Variants in ZNF17 observed in about 807,000 individuals in gnomAD.
The protein encoded by ZNF17 is zinc finger protein 17 (HPF3, KOX 10).
A neutral mutation model predicts 7.7 loss-of-function variants in ZNF17; 4 were observed. The ratio of observed to expected loss-of-function variants is 0.52; its 90% CI spans 0.26 to 1.20. ZNF17 has a LOEUF of 1.20. Ranked by LOEUF, ZNF17 falls within the 50% of genes most tolerant of loss-of-function variation. ZNF17 has a pLI of 0.14. For missense variants in ZNF17, 738 were observed against 799.5 expected, an observed-to-expected ratio of 0.92 and a Z score of 0.93; for synonymous variants, 249 against 258.8, an observed-to-expected ratio of 0.96 and a Z score of 0.36.
At position 57,421,487 on chromosome 19, in the gene ZNF17, G is replaced by A. The variant is rs1452177899; in HGVS notation, c.*6G>A. The A allele has an allele frequency of 6.3e-7, 1 of 1,590,294 alleles. No individual in the cohort carries two copies. ...AGAAAGTTCACACCAGATAAAGAAT[G>A]TATATATAAAGCAGATGGGGAAAGA... On this transcript the variant is annotated 3_prime_UTR_variant, in exon 4 of 4. Transcript: ENST00000307658.
At chr19:57,413,770 C>G in intron 2 of ZNF17, 134 bp downstream of exon 2, 1 of 1,108,032 alleles carries the variant, frequency 9.0e-7, no homozygotes, top group Admixed American at 2.0e-5. Context: ...TGTAGTTCCA[C>G]CAGACCTGGG....
In ZNF17 at chr19:57,411,187, G is replaced by T. The variant is rs1218281080; in HGVS notation, c.-240G>T. Reference sequence around the variant, plus strand: ...CAACGCCTCCTGGGGTTGTCAATATGGCTGCGTTGGGATCTGTTCACCTTC... The same window carrying T: ...CAACGCCTCCTGGGGTTGTCAATATTGCTGCGTTGGGATCTGTTCACCTTC... On this transcript the variant is annotated 5_prime_UTR_variant, in exon 1 of 4. It removes an upstream start codon present in the reference 5' UTR. Coordinates refer to ENST00000307658, the MANE Select transcript of ZNF17 (RefSeq NM_001330617.2). 7.7e-6 allele frequency: 5 copies of T among 651,554 alleles called. No individual in the cohort carries two copies. Among genetic ancestry groups the T allele is most frequent in the African/African-American group, 7.3e-5 (4 of 54,502 alleles). 40.4% of individuals were successfully genotyped at this position (651,554 alleles called of 1,614,324 possible). A position where few individuals can be genotyped will look rare whatever the true frequency, so the allele number is the denominator to read the frequency against.
intron 2 of ZNF17, among the ~76,000 whole-genome samples, chr19:57,416,375 G>A (rs2088811368): frequency 6.6e-6 from 1 of 152,138 alleles, no homozygotes; most frequent in African/African-American, 2.4e-5. Flanking sequence ...TGAATAGATG[G>A]TTCCACCTCT....
At chr19:57,413,718 T>C (rs2088793366) in intron 2 of ZNF17, 82 bp downstream of exon 2, 1 of 1,491,846 alleles carries the variant, frequency 6.7e-7, no homozygotes, top group African/African-American at 1.4e-5. Flanking sequence ...ATCCTGAGAC[T>C]GTTCACCTTT....
rs759375090 is a variant in ZNF17 at position 57,420,070 on chromosome 19, C to T, written c.584C>T (p.Thr195Ile). Residue 195 changes from threonine (T) to isoleucine (I), a missense_variant, in exon 4 of 4, where the codon ACC becomes ATC. Transcript: ENST00000307658. ...AGTGGACAGAATAATTACAGCTGCA[C>T]CCAATGTGGGAAAGACTTTTGCCAC... Reference protein sequence around the residue: ...FQSGQNNYSCTQCGKDFCHQH... With the variant: ...FQSGQNNYSCIQCGKDFCHQH... 1.2e-6 allele frequency: 2 copies of T among 1,614,214 alleles called. No homozygotes were observed. The highest frequency in any genetic ancestry group is 8.5e-7 in the Non-Finnish European group (1 of 1,180,048).
Position 57,419,649 on chromosome 19 carries a change from G to A in ZNF17, c.163G>A (p.Ala55Thr), listed in dbSNP as rs761121881. The change falls in exon 4 of 4, where the codon GCC (alanine) becomes ACC (threonine). Residue 55 changes from alanine to threonine, a missense_variant. By Grantham distance (58) the Ala-to-Thr change is moderately conservative (BLOSUM62 0). Around this residue, in one of 3 missense-constraint regions of ZNF17, gnomAD observed 616 missense variants for 663.9 expected, o/e 0.93. Transcript: ENST00000307658. The part of the protein sequence containing the change: ...LLSSVGCWHG[A>T]KDEEAPSKQC... ...TTCTGTTTTAGGTTGTTGGCATGGA[G>A]CCAAGGATGAGGAGGCACCTTCCAA... is the stretch of plus-strand genomic sequence containing the variant. The A allele has an allele frequency of 4.3e-6, 7 of 1,612,144 alleles. No individual in the cohort carries two copies. The African/African-American group carries it at 9.3e-5, about 22-fold the overall frequency.
chr19:57,421,550 C>A lies in ZNF17; in HGVS notation c.*69C>A. On this transcript the variant is annotated 3_prime_UTR_variant, in exon 4 of 4. Coordinates refer to ENST00000307658, the MANE Select transcript of ZNF17 (RefSeq NM_001330617.2). Reference sequence around the variant, plus strand: ...ATCTACTCTGATTTAGCACTGGGACCTACGTTTTAAAAAAAGTATTCTTGT... The same window carrying A: ...ATCTACTCTGATTTAGCACTGGGACATACGTTTTAAAAAAAGTATTCTTGT... 6.7e-7 allele frequency: 1 copy of A among 1,490,606 alleles called. No homozygotes were observed. The highest frequency in any genetic ancestry group is 9.0e-7 in the Non-Finnish European group (1 of 1,112,536). 92.3% of individuals were successfully genotyped at this position (1,490,606 alleles called of 1,614,324 possible).
chr19:57,414,713 C>CT (rs567091200), intron 2 of ZNF17, among the ~76,000 whole-genome samples: 2,398 of 136,896 alleles, frequency 0.018, 33 homozygotes, highest in Middle Eastern at 0.047. Context: ...GACCTAGATT[C>CT]TTTTTTTTTT....
chr19:57,415,147 G>A (rs1368861681), intron 2 of ZNF17, among the ~76,000 whole-genome samples: 1 of 152,200 alleles, frequency 6.6e-6, no homozygotes, highest in East Asian at 1.9e-4. Context: ...GGACACGAGT[G>A]GCGGCTGTGG....
In ZNF17 at chr19:57,420,274, T is replaced by C. The variant is rs1480228775; in HGVS notation, c.788T>C (p.Val263Ala). The C allele has an allele frequency of 6.2e-7, 1 of 1,614,222 alleles. No homozygotes were observed. Among genetic ancestry groups the C allele is most frequent in the South Asian group, 1.1e-5 (1 of 91,082 alleles). Residue 263 changes from valine to alanine, a missense_variant, in exon 4 of 4, where the codon GTT becomes GCT. By Grantham distance (64) the Val-to-Ala change is moderately conservative. Transcript: ENST00000307658. ...AAAGCCTTCAGCCTCAAATACAATG[T>C]TGTTCAACACCAGAAAATTCACACT... ...CGKAFSLKYN[V>A]VQHQKIHTGE...
chr19:57,418,144 CT>C, intron 3 of ZNF17, 106 bp downstream of exon 3: 1 of 1,410,318 alleles, frequency 7.1e-7, no homozygotes, highest in South Asian at 1.4e-5. Context: ...GCATCCTCTC[CT>C]GGTTTCCTGG....
intron 3 of ZNF17, chr19:57,419,352 A>G (rs1304724102): frequency 9.1e-6 from 3 of 328,952 alleles, no homozygotes; most frequent in South Asian, 8.4e-5. Flanking sequence ...ACCAGAAGCT[A>G]TGGCCTGTTG....
At position 57,421,397 on chromosome 19, in the gene ZNF17, G is replaced by C; in HGVS notation, c.1911G>C (p.Glu637Asp). 6.2e-7 allele frequency: 1 copy of C among 1,614,098 alleles called. No homozygotes were observed. ...LIKHRRIHTG[E>D]RPYQCSECGR... is the part of the protein sequence containing the mutation. ...AACATCGGAGAATTCACACTGGAGA[G>C]AGACCTTATCAGTGCAGTGAATGTG... The change falls in exon 4 of 4, where the codon GAG becomes GAC. Residue 637 changes from glutamate (E) to aspartate (D), a missense_variant. By Grantham distance (45) the Glu-to-Asp change is conservative. This residue lies in a region of ZNF17 where 116 missense variants were observed against 114.0 expected (regional missense o/e 1.02). Coordinates refer to ENST00000307658, the MANE Select transcript of ZNF17 (RefSeq NM_001330617.2).
chr19:57,420,685 G>A lies in ZNF17; in HGVS notation c.1199G>A (p.Arg400His), dbSNP rs559509341. The A allele has an allele frequency of 7.4e-5, 119 of 1,613,516 alleles. No homozygotes were observed. The South Asian group carries it at 9.1e-4, about 12-fold the overall frequency. ...GAATGTGGGAAATTCTTTAGATACC[G>A]TTCCACACTCATTAGACATCAGAAA... Reference protein sequence around the residue: ...CNECGKFFRYRSTLIRHQKVH... With the variant: ...CNECGKFFRYHSTLIRHQKVH... The change falls in exon 4 of 4, where the codon CGT becomes CAT. Residue 400 changes from arginine to histidine, a missense_variant. Arg to His is a conservative substitution (Grantham distance 29). This residue lies in a region of ZNF17 where 616 missense variants were observed against 663.9 expected (regional missense o/e 0.93). Transcript: ENST00000307658.
intron 2 of ZNF17, 150 bp from the exon 3 acceptor site, chr19:57,417,762 A>C: frequency 1.1e-6 from 1 of 914,504 alleles, no homozygotes; most frequent in Non-Finnish European, 1.6e-6. Flanking sequence ...CAGGAGAATC[A>C]CTTGAATCCG....
At chr19:57,417,570 C>T (rs915408251) in intron 2 of ZNF17, among the ~76,000 whole-genome samples, 38 of 151,972 alleles carry the variant, frequency 2.5e-4, no homozygotes, top group African/African-American at 7.7e-4. Flanking sequence ...GCTCATGGGC[C>T]GGGCGTGGTG....
Position 57,411,169 on chromosome 19 carries a change from T to A in ZNF17, c.-258T>A, listed in dbSNP as rs59864268. 1.9e-5 allele frequency: 11 copies of A among 580,072 alleles called. No homozygotes were observed. The highest frequency in any genetic ancestry group is 1.9e-4 in the African/African-American group (10 of 53,018). The allele number at this position is 580,072 out of a possible 1,614,324, so 35.9% of individuals were successfully genotyped here. ...TGTGGGCGGGACTTCCTGCAACGCC[T>A]CCTGGGGTTGTCAATATGGCTGCGT... is the stretch of plus-strand genomic sequence containing the variant. On this transcript the variant is annotated 5_prime_UTR_variant, in exon 1 of 4. Transcript: ENST00000307658.
chr19:57,416,933 T>G (rs535232315), intron 2 of ZNF17, among the ~76,000 whole-genome samples: 2 of 152,300 alleles, frequency 1.3e-5, no homozygotes, highest in South Asian at 4.1e-4. Context: ...CTAGTGTCTC[T>G]TCCTCCTTCA....
In ZNF17 at chr19:57,420,680, A is replaced by C; in HGVS notation, c.1194A>C (p.Arg398Ser). Residue 398 changes from arginine (R) to serine (S), a missense_variant, in exon 4 of 4, where the codon AGA becomes AGC. Coordinates refer to ENST00000307658, the MANE Select transcript of ZNF17 (RefSeq NM_001330617.2). ...YECNECGKFF[R>S]YRSTLIRHQK... Reference sequence around the variant, plus strand: ...GCAACGAATGTGGGAAATTCTTTAGATACCGTTCCACACTCATTAGACATC... The same window carrying C: ...GCAACGAATGTGGGAAATTCTTTAGCTACCGTTCCACACTCATTAGACATC... 6.2e-7 allele frequency: 1 copy of C among 1,613,006 alleles called. No homozygotes were observed. Among genetic ancestry groups the C allele is most frequent in the Non-Finnish European group, 8.5e-7 (1 of 1,179,746 alleles).
Sources: gnomAD v4.1 joint callset for allele counts (sites outside exome capture counted in the v4.1 genomes callset) on GRCh38, gnomAD v4.1.1 for gene constraint, gnomAD v4.1.1 regional missense constraint, MANE v1.5 for transcripts, NCBI Gene and HGNC (gene_info 2026-07-23, HGNC 2026-07-21) for gene names.